ZNF516: variants seen among roughly 807,000 people sequenced by gnomAD.
The protein encoded by ZNF516 is zinc finger protein 516.
ZNF516 carries 19 observed loss-of-function variants against 79.7 expected under a neutral mutation model. That is an observed-to-expected ratio of 0.24 (90% confidence interval 0.17 to 0.35). The LOEUF (loss-of-function observed/expected upper bound fraction) is 0.35. Among genes scored for constraint, ZNF516 ranks in the 10% least tolerant of loss-of-function variants. The pLI, the probability that ZNF516 is intolerant of heterozygous loss-of-function variation, is 1.00. For synonymous variants in ZNF516, 877 were observed against 739.5 expected (o/e 1.19, Z -3.02); for missense variants, 1,678 against 1,679.5 (o/e 1.00, Z 0.02).
intron 4 of ZNF516, chr18:76,372,731 A>C (rs2074727057): frequency 6.6e-6 from 1 of 152,234 alleles, no homozygotes; most frequent in African/African-American, 2.4e-5. Context: ...ATCTTGTCAA[A>C]TTTCTTATAT....
chr18:76,486,732 A>G (rs1218804625), intron 1 of ZNF516, among the ~76,000 whole-genome samples: 3 of 152,036 alleles, frequency 2.0e-5, no homozygotes, highest in Non-Finnish European at 4.4e-5. Flanking sequence ...GAAGATAACA[A>G]AACACACTAA....
intron 3 of ZNF516, among the ~76,000 whole-genome samples, chr18:76,417,333 G>A (rs1225253495): frequency 2.0e-5 from 3 of 152,180 alleles, no homozygotes; most frequent in African/African-American, 7.2e-5. Flanking sequence ...CCATGAAAGC[G>A]TGGAAACCAA....
At position 76,467,049 on chromosome 18, in the gene ZNF516, G is replaced by C. The variant is rs1448455302; in HGVS notation, c.-271-3908C>G. ...AAACCCAGGAGACGCTGGCCTCTGG[G>C]AAGTAAAATCAGGCAGAGGCAGCCG... On this transcript the variant is annotated intron_variant, in intron 1 of 6. Coordinates refer to ENST00000443185, the MANE Select transcript of ZNF516 (RefSeq NM_014643.4). This position sits in a 1 kb window ranked among gnomAD's most constrained non-coding sequence, Gnocchi z 4.2. 6.6e-6 allele frequency among the ~76,000 whole-genome samples: 1 copy of C among 152,158 alleles called. No individual in the cohort carries two copies. Among genetic ancestry groups the C allele is most frequent in the Non-Finnish European group, 1.5e-5 (1 of 68,006 alleles).
chr18:76,436,295 C>T (rs1356532827), intron 3 of ZNF516, among the ~76,000 whole-genome samples: 2 of 152,188 alleles, frequency 1.3e-5, no homozygotes, highest in Non-Finnish European at 2.9e-5. Context: ...TGTTCCCAGC[C>T]GTGTGTGCTT....
In ZNF516 at chr18:76,442,276, G is replaced by A. The variant is rs1479231276; in HGVS notation, c.779C>T (p.Thr260Ile). The A allele has an allele frequency of 6.2e-7, 1 of 1,613,392 alleles. No individual in the cohort carries two copies. Among genetic ancestry groups the A allele is most frequent in the Non-Finnish European group, 8.5e-7 (1 of 1,179,804 alleles). ...CEVCGQAFSQ[T>I]WFLKAHMKKH... is the part of the protein sequence containing the mutation. ...CTTCATGTGCGCCTTCAGGAACCAG[G>A]TCTGGCTGAAGGCCTGGCCACACAC... Residue 260 changes from threonine (T) to isoleucine (I), a missense_variant, in exon 3 of 7, where the codon ACC (threonine) becomes ATC (isoleucine). By Grantham distance (89) the Thr-to-Ile change is moderately conservative. This residue lies in a region of ZNF516 where 279 missense variants were observed against 254.1 expected (regional missense o/e 1.10). Transcript: ENST00000443185.
intron 3 of ZNF516, among the ~76,000 whole-genome samples, chr18:76,399,963 G>A (rs375482857): frequency 1.3e-5 from 2 of 152,156 alleles, no homozygotes; most frequent in African/African-American, 2.4e-5. Context: ...TCCCAGTGGG[G>A]TGGTTTCAAG....
At chr18:76,461,961 C>G (rs901893788) in intron 2 of ZNF516, among the ~76,000 whole-genome samples, 3 of 152,250 alleles carry the variant, frequency 2.0e-5, no homozygotes, top group Non-Finnish European at 4.4e-5. Context: ...CCGCCCTCCT[C>G]CTGTGACTCT....
intron 3 of ZNF516, 146 bp from the exon 4 acceptor site, chr18:76,380,449 C>T (rs893074428): frequency 4.9e-6 from 5 of 1,020,410 alleles, no homozygotes; most frequent in South Asian, 3.5e-5. Flanking sequence ...TCTTAGAAAA[C>T]CCCTGAGGAG....
intron 3 of ZNF516, among the ~76,000 whole-genome samples, chr18:76,423,539 C>A (rs1368826407): frequency 6.9e-6 from 1 of 144,370 alleles, no homozygotes; most frequent in Non-Finnish European, 1.5e-5. Context: ...GGTGAAAAGG[C>A]TTCCCCGAAA....
intron 4 of ZNF516, 128 bp from the exon 5 acceptor site, chr18:76,371,699 C>T (rs1031869242): frequency 2.8e-6 from 2 of 718,832 alleles, no homozygotes; most frequent in Non-Finnish European, 4.7e-6. Flanking sequence ...TCATGTGAGG[C>T]TCCCTTCAGG....
At chr18:76,464,183 AGTACTTTAAAAATTTTTAATGTACTAAAG>A (rs1306462792) in intron 1 of ZNF516, among the ~76,000 whole-genome samples, 5 of 152,078 alleles carry the variant, frequency 3.3e-5, no homozygotes, top group Admixed American at 1.3e-4. Flanking sequence ...AAAAAATTTT[AGTACTTTAAAAATTTTTAATGTACTAAAG>A]GTACATTAAA....
chr18:76,389,097 A>G (rs11874719), intron 3 of ZNF516: 69,837 of 152,064 alleles, frequency 0.46, 16,082 homozygotes, highest in African/African-American at 0.5. Context: ...TTGGGCTGCC[A>G]CAAACCCCGA....
chr18:76,371,900 A>G (rs1045755755), intron 4 of ZNF516, among the ~76,000 whole-genome samples: 4 of 152,198 alleles, frequency 2.6e-5, no homozygotes. Flanking sequence ...CGGCTCTGTC[A>G]AGCAGCACAT....
intron 3 of ZNF516, among the ~76,000 whole-genome samples, chr18:76,404,440 AGT>A (rs922655437): frequency 9.9e-5 from 15 of 151,610 alleles, no homozygotes; most frequent in East Asian, 1.9e-4. Flanking sequence ...CACGTGTAAG[AGT>A]GTGCATGTGT....
chr18:76,426,812 G>A (rs552934343), intron 3 of ZNF516, among the ~76,000 whole-genome samples: 10 of 152,298 alleles, frequency 6.6e-5, no homozygotes, highest in South Asian at 2.1e-4. Context: ...AGGGAGCACC[G>A]GCATCATCTC....
At position 76,441,575 on chromosome 18, in the gene ZNF516, C is replaced by T; in HGVS notation, c.1480G>A (p.Asp494Asn). The change falls in exon 3 of 7, where the codon GAT (aspartate) becomes AAT (asparagine). Residue 494 changes from aspartate to asparagine, a missense_variant. Coordinates refer to ENST00000443185, the MANE Select transcript of ZNF516 (RefSeq NM_014643.4). ...PGDPAPAGHLDPRSAARPNRR... is the reference protein window; with the variant it reads ...PGDPAPAGHLNPRSAARPNRR... ...TTGGGGCGCGCGGCCGAGCGGGGAT[C>T]GAGGTGGCCGGCGGGCGCGGGGTCC... 3 of 1,453,258 alleles carry T rather than the reference C, an allele frequency of 2.1e-6. No homozygotes were observed. Among genetic ancestry groups the T allele is most frequent in the East Asian group, 2.8e-5 (1 of 35,184 alleles). 90.0% of individuals were successfully genotyped at this position (1,453,258 alleles called of 1,614,324 possible). A position where few individuals can be genotyped will look rare whatever the true frequency, so the allele number is the denominator to read the frequency against.
chr18:76,460,091 GT>G (rs984246336), intron 2 of ZNF516, among the ~76,000 whole-genome samples: 4 of 152,210 alleles, frequency 2.6e-5, no homozygotes, highest in African/African-American at 9.7e-5. Flanking sequence ...CTGTTGGAAT[GT>G]GCCTACCAAA....
intron 2 of ZNF516, among the ~76,000 whole-genome samples, chr18:76,460,407 AGTT>A (rs2145667638): frequency 6.6e-6 from 1 of 152,288 alleles, no homozygotes; most frequent in South Asian, 2.1e-4. Flanking sequence ...AGCATTCTGG[AGTT>A]GTCAGAACAT....
intron 1 of ZNF516, among the ~76,000 whole-genome samples, chr18:76,476,419 T>C (rs1258300957): frequency 2.0e-5 from 3 of 152,218 alleles, no homozygotes; most frequent in Non-Finnish European, 2.9e-5. Flanking sequence ...TTAAAATGGG[T>C]AGCTTCATAT....
Sources: gnomAD v4.1 joint callset for allele counts (sites outside exome capture counted in the v4.1 genomes callset) on GRCh38, gnomAD v4.1.1 for gene constraint, gnomAD v4.1.1 regional missense constraint, Gnocchi (gnomAD v3.1) non-coding constraint, MANE v1.5 for transcripts, NCBI Gene and HGNC (gene_info 2026-07-23, HGNC 2026-07-21) for gene names.